Variants in NXPE2 observed in about 807,000 individuals in gnomAD.
NXPE2 encodes the protein neurexophilin and PC-esterase domain family member 2.
A neutral mutation model predicts 34.4 loss-of-function variants in NXPE2; 34 were observed. The ratio of observed to expected loss-of-function variants is 0.99; its 90% CI spans 0.75 to 1.31. The LOEUF (loss-of-function observed/expected upper bound fraction) is 1.31. NXPE2 is among the 40% of genes most tolerant of loss of function. The pLI, the probability that NXPE2 is intolerant of heterozygous loss-of-function variation, is 0.00. For synonymous variants in NXPE2, 235 were observed against 231.3 expected, an observed-to-expected ratio of 1.02 and a Z score of -0.15; for missense variants, 649 against 672.5, an observed-to-expected ratio of 0.97 and a Z score of 0.39.
At chr11:114,538,011 C>A in the NXPE2 span, among the ~76,000 whole-genome samples, 2 of 152,198 alleles carry the variant, frequency 1.3e-5, no homozygotes, top group Non-Finnish European at 2.9e-5. Context: ...AGGCATCCCG[C>A]TACCTGACTT....
the NXPE2 span, among the ~76,000 whole-genome samples, chr11:114,501,689 G>A: frequency 1.3e-5 from 2 of 152,142 alleles, no homozygotes; most frequent in Non-Finnish European, 2.9e-5. Context: ...CTCCAAGAAG[G>A]CCAAGAGAGC....
At chr11:114,541,951 T>C in the NXPE2 span, among the ~76,000 whole-genome samples, 186 of 152,338 alleles carry the variant, frequency 1.2e-3, no homozygotes, top group Non-Finnish European at 2.3e-3. Context: ...TTATCTCCAT[T>C]TACTAAGTTA....
At chr11:114,589,401 G>A in the NXPE2 span, among the ~76,000 whole-genome samples, 1 of 152,032 alleles carries the variant, frequency 6.6e-6, no homozygotes, top group Non-Finnish European at 1.5e-5. Context: ...CTATAATCGA[G>A]GCCTCCCCTT....
At chr11:114,602,307 A>G in the NXPE2 span, among the ~76,000 whole-genome samples, 1 of 116,184 alleles carries the variant, frequency 8.6e-6, no homozygotes, top group East Asian at 2.3e-4. Context: ...CATATACTAT[A>G]TATAATATAT....
chr11:114,490,728 A>T, the NXPE2 span, among the ~76,000 whole-genome samples: 2 of 152,374 alleles, frequency 1.3e-5, no homozygotes, highest in Non-Finnish European at 2.9e-5. Flanking sequence ...CTTAAATGTT[A>T]GACCTAAAAC....
chr11:114,640,305 A>G, the NXPE2 span, among the ~76,000 whole-genome samples: 2 of 145,888 alleles, frequency 1.4e-5, no homozygotes, highest in East Asian at 2.0e-4. Flanking sequence ...TTAAATTTTT[A>G]TATATTTATA....
At chr11:114,520,449 C>T in the NXPE2 span, among the ~76,000 whole-genome samples, 1 of 152,186 alleles carries the variant, frequency 6.6e-6, no homozygotes, top group Non-Finnish European at 1.5e-5. Context: ...AGCAGCATCT[C>T]CTTTTGTAAG....
chr11:114,685,366 G>T (rs994427508), intron 2 of NXPE2, among the ~76,000 whole-genome samples: 4 of 152,046 alleles, frequency 2.6e-5, no homozygotes, highest in Non-Finnish European at 2.9e-5. Context: ...TTCATGGATG[G>T]GTATCTTTTC....
At chr11:114,533,093 AAAAC>A in the NXPE2 span, among the ~76,000 whole-genome samples, 53 of 152,332 alleles carry the variant, frequency 3.5e-4, no homozygotes, top group African/African-American at 1.3e-3. Context: ...ACAATAAAAT[AAAAC>A]AAACAAACAA....
the NXPE2 span, among the ~76,000 whole-genome samples, chr11:114,747,315 C>T: frequency 7.2e-5 from 11 of 151,870 alleles, no homozygotes; most frequent in East Asian, 3.9e-4. Flanking sequence ...TATAGCAACC[C>T]GGAATACATG....
At chr11:114,539,604 A>AG in the NXPE2 span, among the ~76,000 whole-genome samples, 1 of 152,188 alleles carries the variant, frequency 6.6e-6, no homozygotes, top group Non-Finnish European at 1.5e-5. Flanking sequence ...AAAATTAAAA[A>AG]TTTTCTGTAT....
the NXPE2 span, among the ~76,000 whole-genome samples, chr11:114,659,136 GAGA>G: frequency 5.3e-5 from 8 of 152,218 alleles, no homozygotes; most frequent in Non-Finnish European, 1.2e-4. Flanking sequence ...CATGGCTCAG[GAGA>G]AGATGTGTAC....
the NXPE2 span, among the ~76,000 whole-genome samples, chr11:114,775,875 A>AAAC: frequency 1.5e-5 from 1 of 66,348 alleles, no homozygotes; most frequent in Non-Finnish European, 4.2e-5. Flanking sequence ...AAAAAACAAA[A>AAAC]AAACGAAAAA....
chr11:114,797,403 G>T, the NXPE2 span, among the ~76,000 whole-genome samples: 2 of 151,954 alleles, frequency 1.3e-5, no homozygotes, highest in African/African-American at 4.8e-5. Context: ...TCTCCTTCTG[G>T]GCCCACAGCC....
chr11:114,686,792 C>A (rs989726261), intron 2 of NXPE2, among the ~76,000 whole-genome samples: 36 of 152,130 alleles, frequency 2.4e-4, no homozygotes, highest in African/African-American at 8.4e-4. Flanking sequence ...TATTTTTTGA[C>A]TGTTTAATAG....
At chr11:114,638,634 A>G in the NXPE2 span, among the ~76,000 whole-genome samples, 25 of 151,950 alleles carry the variant, frequency 1.6e-4, 1 homozygote, top group East Asian at 1.4e-3. Flanking sequence ...ATGTACAGAT[A>G]GGTTTTTGGT....
chr11:114,473,517 A>C, the NXPE2 span, among the ~76,000 whole-genome samples: 7 of 152,244 alleles, frequency 4.6e-5, no homozygotes, highest in Admixed American at 1.3e-4. Context: ...AAAACAAGAA[A>C]CAGAAAAATA....
the NXPE2 span, among the ~76,000 whole-genome samples, chr11:114,581,275 G>A: frequency 6.6e-6 from 1 of 152,172 alleles, no homozygotes; most frequent in Admixed American, 6.5e-5. Context: ...GCTAACAATT[G>A]TTTGAAAGGT....
chr11:114,610,280 G>T, the NXPE2 span, among the ~76,000 whole-genome samples: 4 of 151,600 alleles, frequency 2.6e-5, no homozygotes, highest in Non-Finnish European at 5.9e-5. Context: ...TGCCTACCCG[G>T]TGGATAATAA....
Sources: allele counts gnomAD v4.1 joint callset (sites outside exome capture counted in the v4.1 genomes callset), GRCh38; gene constraint gnomAD v4.1.1; transcripts MANE v1.5; gene names NCBI Gene and HGNC (gene_info 2026-07-23, HGNC 2026-07-21).